Variants in MIPOL1 observed in about 807,000 individuals in gnomAD.
MIPOL1 encodes mirror-image polydactyly gene 1 protein.
MIPOL1 carries 57 observed loss-of-function variants against 60.9 expected under a neutral mutation model. The observed-to-expected ratio is 0.94, with a 90% CI of 0.76 to 1.17. The LOEUF (loss-of-function observed/expected upper bound fraction) is 1.17. MIPOL1 is among the 50% of genes most tolerant of loss of function. MIPOL1 has a pLI of 0.00. For missense variants in MIPOL1, 551 were observed against 511.6 expected, an observed-to-expected ratio of 1.08 and a Z score of -0.74; for synonymous variants, 179 against 168.8, an observed-to-expected ratio of 1.06 and a Z score of -0.47.
intron 9 of MIPOL1, among the ~76,000 whole-genome samples, chr14:37,329,304 C>CA (rs2089472744): frequency 1.3e-5 from 2 of 151,988 alleles, no homozygotes; most frequent in African/African-American, 4.8e-5. Context: ...TGAGAACTGT[C>CA]TGAGGTCTCT....
At chr14:37,472,529 C>A (rs1362034689) in intron 11 of MIPOL1, among the ~76,000 whole-genome samples, 1 of 152,062 alleles carries the variant, frequency 6.6e-6, no homozygotes, top group Non-Finnish European at 1.5e-5. Context: ...TGACTAAGTA[C>A]CCCCATCTAA....
At chr14:37,271,013 C>G (rs952631703) in intron 6 of MIPOL1, among the ~76,000 whole-genome samples, 27 of 152,040 alleles carry the variant, frequency 1.8e-4, no homozygotes, top group South Asian at 1.0e-3. Context: ...GACGTAGACG[C>G]TAATAGAGGT....
intron 10 of MIPOL1, chr14:37,400,334 C>T (rs1007039065): frequency 3.9e-5 from 6 of 152,118 alleles, no homozygotes; most frequent in Admixed American, 3.9e-4. Context: ...AAGATAACTT[C>T]AGGTTTTTAA....
intron 9 of MIPOL1, among the ~76,000 whole-genome samples, chr14:37,355,834 T>C (rs2091774618): frequency 6.6e-6 from 1 of 150,410 alleles, no homozygotes; most frequent in African/African-American, 2.4e-5. Flanking sequence ...GTTTTCAACT[T>C]CTTTGCCTTT....
chr14:37,220,552 G>T (rs903408549), intron 1 of MIPOL1, among the ~76,000 whole-genome samples: 3 of 152,126 alleles, frequency 2.0e-5, no homozygotes, highest in African/African-American at 7.2e-5. Flanking sequence ...TTATTCAGTG[G>T]CATGAGCTGG....
At chr14:37,403,538 A>G (rs912671344) in intron 10 of MIPOL1, among the ~76,000 whole-genome samples, 2 of 150,590 alleles carry the variant, frequency 1.3e-5, no homozygotes, top group Non-Finnish European at 3.0e-5. Context: ...GGCCTCCTAA[A>G]GTGCTGGGAG....
chr14:37,346,651 A>G (rs1172891503), intron 9 of MIPOL1, among the ~76,000 whole-genome samples: 1 of 152,154 alleles, frequency 6.6e-6, no homozygotes, highest in Admixed American at 6.6e-5. Flanking sequence ...AGAGCTATAG[A>G]CATACTGGGT....
At chr14:37,508,192 GTC>G (rs2095296888) in intron 12 of MIPOL1, among the ~76,000 whole-genome samples, 1 of 152,106 alleles carries the variant, frequency 6.6e-6, no homozygotes, top group Non-Finnish European at 1.5e-5. Flanking sequence ...TTGAAAATAT[GTC>G]AGTATTCCAG....
intron 7 of MIPOL1, among the ~76,000 whole-genome samples, chr14:37,289,453 A>G (rs2084863033): frequency 6.6e-6 from 1 of 152,226 alleles, no homozygotes; most frequent in African/African-American, 2.4e-5. Context: ...ACCAGCTTCA[A>G]GTTAGTGTTC....
chr14:37,266,401 A>C (rs2082875294), intron 3 of MIPOL1, among the ~76,000 whole-genome samples: 1 of 152,210 alleles, frequency 6.6e-6, no homozygotes, highest in Non-Finnish European at 1.5e-5. Flanking sequence ...TGGCATTAGT[A>C]TAATGAAACT....
At chr14:37,343,369 G>T (rs892717783) in intron 9 of MIPOL1, among the ~76,000 whole-genome samples, 3 of 152,094 alleles carry the variant, frequency 2.0e-5, no homozygotes, top group Non-Finnish European at 4.4e-5. Context: ...AAAATGGAGT[G>T]ATTTTTAAAA....
chr14:37,406,671 G>T (rs929105049), intron 10 of MIPOL1, among the ~76,000 whole-genome samples: 1 of 152,086 alleles, frequency 6.6e-6, no homozygotes, highest in Non-Finnish European at 1.5e-5. Flanking sequence ...GTATTTTCTT[G>T]TGCGTAATTT....
intron 11 of MIPOL1, among the ~76,000 whole-genome samples, chr14:37,447,273 C>T (rs2094351883): frequency 6.6e-6 from 1 of 151,936 alleles, no homozygotes; most frequent in African/African-American, 2.4e-5. Context: ...CAAAAATTAC[C>T]ATGACTGTTG....
chr14:37,309,940 C>T (rs1362774765), intron 9 of MIPOL1, among the ~76,000 whole-genome samples: 4 of 151,928 alleles, frequency 2.6e-5, no homozygotes, highest in South Asian at 2.1e-4. Flanking sequence ...CCACCCACCT[C>T]GCCCTCCGAA....
chr14:37,256,524 A>C (rs1357794386), intron 3 of MIPOL1, among the ~76,000 whole-genome samples: 5 of 151,974 alleles, frequency 3.3e-5, no homozygotes, highest in African/African-American at 4.8e-5. Flanking sequence ...GGAGTCACTG[A>C]AGCTATTTTA....
chr14:37,509,464 A>G (rs2095308140), intron 12 of MIPOL1, among the ~76,000 whole-genome samples: 1 of 151,526 alleles, frequency 6.6e-6, no homozygotes, highest in Admixed American at 6.6e-5. Flanking sequence ...CTTCCCCCAA[A>G]CTCAGCTGCT....
chr14:37,284,717 T>A (rs1404463853), intron 6 of MIPOL1, among the ~76,000 whole-genome samples: 1 of 152,218 alleles, frequency 6.6e-6, no homozygotes, highest in African/African-American at 2.4e-5. Flanking sequence ...TGAAACTTGC[T>A]ATTTTTGTCA....
In MIPOL1 at chr14:37,422,896, T is replaced by C. The variant is rs2093899824; in HGVS notation, c.978T>C (p.Val326=). 1 of 1,609,404 alleles carries C rather than the reference T, an allele frequency of 6.2e-7. No homozygotes were observed. Among genetic ancestry groups the C allele is most frequent in the Non-Finnish European group, 8.5e-7 (1 of 1,177,356 alleles). ...TGCAACAAGCCAGAGAAACTGCAGT[T>C]CAACAGTACAAAAAACTGGAAGAGG... The part of the protein sequence containing the change: ...LSMQQARETA[V]QQYKKLEEEI... The change falls in exon 11 of 13, where the codon GTT becomes GTC. Residue 326 remains valine (V), a synonymous_variant. Coordinates refer to ENST00000684589, the MANE Select transcript of MIPOL1 (RefSeq NM_001388067.1).
chr14:37,311,667 G>C (rs1388997710), intron 9 of MIPOL1, among the ~76,000 whole-genome samples: 1 of 152,010 alleles, frequency 6.6e-6, no homozygotes, highest in Non-Finnish European at 1.5e-5. Context: ...AATAGTTTTA[G>C]ATTACAGAAA....
Sources: allele counts gnomAD v4.1 joint callset (sites outside exome capture counted in the v4.1 genomes callset), GRCh38; gene constraint gnomAD v4.1.1; transcripts MANE v1.5; gene names NCBI Gene and HGNC (gene_info 2026-07-23, HGNC 2026-07-21).